PDE1C: variants seen among roughly 807,000 people sequenced by gnomAD.
PDE1C encodes dual specificity calcium/calmodulin-dependent 3',5'-cyclic nucleotide phosphodiesterase 1C.
PDE1C carries 62 observed loss-of-function variants against 93.1 expected under a neutral mutation model. That is an observed-to-expected ratio of 0.67 (90% CI 0.54 to 0.82). PDE1C has a LOEUF of 0.82. Ranked by LOEUF, PDE1C falls within the 40% of genes least tolerant of loss-of-function variation. The pLI is 0.00. For missense variants in PDE1C, 742 were observed against 884.6 expected (o/e 0.84, Z 2.04); for synonymous variants, 325 against 310.1 (o/e 1.05, Z -0.50).
At chr7:31,956,015 C>T (rs971642053) in intron 2 of PDE1C, among the ~76,000 whole-genome samples, 1 of 152,198 alleles carries the variant, frequency 6.6e-6, no homozygotes, top group African/African-American at 2.4e-5. Context: ...ATGGGATTAA[C>T]AACAGCACCT....
At chr7:32,391,678 A>G (rs951830217) in intron 1 of PDE1C, among the ~76,000 whole-genome samples, 2 of 152,148 alleles carry the variant, frequency 1.3e-5, no homozygotes, top group African/African-American at 2.4e-5. Context: ...TAAGAAATCA[A>G]TAATAGGAAA....
chr7:31,776,741 G>A (rs1269422477), intron 16 of PDE1C, among the ~76,000 whole-genome samples: 2 of 151,934 alleles, frequency 1.3e-5, no homozygotes, highest in Non-Finnish European at 2.9e-5. Context: ...AAGAGGCCTG[G>A]AAGCCAGATT....
intron 7 of PDE1C, among the ~76,000 whole-genome samples, chr7:31,858,121 A>G (rs1485654708): frequency 6.6e-6 from 1 of 152,196 alleles, no homozygotes; most frequent in Non-Finnish European, 1.5e-5. Context: ...GTCTAAGAGA[A>G]GTGCCAGAAG....
At chr7:32,129,402 T>A (rs1477318385) in intron 3 of PDE1C, among the ~76,000 whole-genome samples, 1 of 148,448 alleles carries the variant, frequency 6.7e-6, no homozygotes, top group Non-Finnish European at 1.5e-5. Context: ...TTACATTTTT[T>A]AAATTTTATT....
intron 1 of PDE1C, among the ~76,000 whole-genome samples, chr7:32,386,007 T>C (rs987546424): frequency 6.6e-6 from 1 of 151,942 alleles, no homozygotes; most frequent in African/African-American, 2.4e-5. Flanking sequence ...GTTGTGAGAT[T>C]GAAAGGGCCT....
intron 2 of PDE1C, among the ~76,000 whole-genome samples, chr7:32,207,685 T>TA (rs1240683368): frequency 6.6e-6 from 1 of 152,200 alleles, no homozygotes; most frequent in Non-Finnish European, 1.5e-5. Flanking sequence ...CCTACACAGA[T>TA]ACGTGTTCAT....
chr7:32,066,332 T>G (rs1292085501), intron 1 of PDE1C, among the ~76,000 whole-genome samples: 2 of 152,208 alleles, frequency 1.3e-5, no homozygotes, highest in Non-Finnish European at 2.9e-5. Context: ...TCTATTAACT[T>G]AATAGCCATT....
intron 14 of PDE1C, among the ~76,000 whole-genome samples, chr7:31,819,333 C>T (rs1177037743): frequency 6.6e-6 from 1 of 152,046 alleles, no homozygotes; most frequent in East Asian, 1.9e-4. Context: ...TTTTTAACTG[C>T]AATCAGATTC....
intron 2 of PDE1C, among the ~76,000 whole-genome samples, chr7:32,005,143 A>T (rs1786025206): frequency 6.6e-6 from 1 of 152,182 alleles, no homozygotes; most frequent in African/African-American, 2.4e-5. Flanking sequence ...AGGTCCGTAG[A>T]ATTAGACTGA....
At chr7:32,267,813 C>T (rs1183350922) in intron 1 of PDE1C, among the ~76,000 whole-genome samples, 1 of 152,120 alleles carries the variant, frequency 6.6e-6, no homozygotes, top group East Asian at 1.9e-4. Context: ...AGACACAAAC[C>T]ACAGTTATGA....
chr7:31,741,285 T>C, the PDE1C span, among the ~76,000 whole-genome samples: 36 of 152,322 alleles, frequency 2.4e-4, no homozygotes, highest in African/African-American at 8.7e-4. Context: ...CTAGATTAAC[T>C]GGTTTTAGCT....
intron 2 of PDE1C, among the ~76,000 whole-genome samples, chr7:31,887,502 T>C (rs1013620090): frequency 3.9e-5 from 6 of 152,228 alleles, no homozygotes; most frequent in South Asian, 2.1e-4. Context: ...TGCATACTTA[T>C]GTTTCTATAC....
At chr7:31,887,319 G>T (rs1165071513) in intron 2 of PDE1C, among the ~76,000 whole-genome samples, 2 of 152,112 alleles carry the variant, frequency 1.3e-5, no homozygotes, top group Non-Finnish European at 2.9e-5. Context: ...ATTATGACTG[G>T]CAAGAATAGC....
chr7:31,703,720 G>T, the PDE1C span, among the ~76,000 whole-genome samples: 1 of 152,174 alleles, frequency 6.6e-6, no homozygotes, highest in South Asian at 2.1e-4. Flanking sequence ...AGAGAAACTC[G>T]CAGACAAATA....
chr7:31,680,798 G>A, the PDE1C span, among the ~76,000 whole-genome samples: 2 of 152,136 alleles, frequency 1.3e-5, no homozygotes, highest in African/African-American at 2.4e-5. Context: ...CACCTGGATA[G>A]GGCAAACCCT....
chr7:32,082,220 T>A (rs1179339072), intron 3 of PDE1C, among the ~76,000 whole-genome samples: 3 of 152,268 alleles, frequency 2.0e-5, no homozygotes, highest in African/African-American at 4.8e-5. Context: ...ATCCCGCACA[T>A]GGCTCTGAGG....
chr7:32,312,860 T>C (rs1424569795), intron 1 of PDE1C, among the ~76,000 whole-genome samples: 1 of 152,280 alleles, frequency 6.6e-6, no homozygotes, highest in East Asian at 1.9e-4. Context: ...ACTTCATGTC[T>C]AAAACACCAA....
chr7:31,628,043 C>G, the PDE1C span, among the ~76,000 whole-genome samples: 1 of 152,160 alleles, frequency 6.6e-6, no homozygotes, highest in East Asian at 1.9e-4. Flanking sequence ...GTCTTTGTCA[C>G]CCCAGGCCTA....
intron 2 of PDE1C, among the ~76,000 whole-genome samples, chr7:31,976,716 C>A (rs1811716331): frequency 6.6e-6 from 1 of 152,196 alleles, no homozygotes; most frequent in Non-Finnish European, 1.5e-5. Flanking sequence ...CCACAGCAAT[C>A]AGAGTGAGCC....
Sources: allele counts gnomAD v4.1 joint callset (sites outside exome capture counted in the v4.1 genomes callset), GRCh38; gene constraint gnomAD v4.1.1; transcripts MANE v1.5; gene names NCBI Gene and HGNC (gene_info 2026-07-23, HGNC 2026-07-21).